The following ART3 variants were observed in gnomAD, a reference collection of about 807,000 sequenced individuals.
ART3 encodes the protein ADP-ribosyltransferase 3 (inactive), also known as ecto-ADP-ribosyltransferase 3.
A neutral mutation model predicts 48.5 loss-of-function variants in ART3; 49 were observed. That is an observed-to-expected ratio of 1.01 (90% CI 0.80 to 1.28). The LOEUF (loss-of-function observed/expected upper bound fraction) is 1.28, where lower values mean the gene tolerates loss of function less well. Among genes scored for constraint, ART3 ranks in the 50% most tolerant of loss-of-function variants. ART3 has a pLI of 0.00. For synonymous variants in ART3, 145 were observed against 157.2 expected (o/e 0.92, Z 0.58); for missense variants, 438 against 454.3 (o/e 0.96, Z 0.33).
rs775662047 is a variant in ART3, at chr4:76,028,570, G to A, written c.-10+17250G>A. On this transcript the variant is annotated intron_variant, in intron 1 of 9. Transcript: ENST00000341029. ...TTAGAAGAAATTTTCTAAAAAGTGA[G>A]CAGGAGGACATCAGTGATTTCTGTG... is the stretch of plus-strand genomic sequence containing the variant. 5.9e-5 allele frequency among the ~76,000 whole-genome samples: 9 copies of A among 152,244 alleles called. No homozygotes were observed. The South Asian group carries it at 6.2e-4, about 11-fold the overall frequency.
intron 1 of ART3, among the ~76,000 whole-genome samples, chr4:76,023,062 A>C (rs1461306275): frequency 1.3e-5 from 2 of 152,156 alleles, no homozygotes; most frequent in Admixed American, 6.5e-5. Flanking sequence ...TGGTTCATTG[A>C]GCTTAGTTAG....
chr4:76,110,159 C>A (rs1016003264), intron 11 of ART3, among the ~76,000 whole-genome samples: 1 of 152,088 alleles, frequency 6.6e-6, no homozygotes, highest in East Asian at 1.9e-4. Flanking sequence ...AACAATGCAG[C>A]TATAGTTAGC....
At position 76,035,171 on chromosome 4, in the gene ART3, A is replaced by C. The variant is rs754595883; in HGVS notation, c.-10+23851A>C. 19 of 1,613,148 alleles carry C rather than the reference A, an allele frequency of 1.2e-5. No homozygotes were observed. In the South Asian group the frequency reaches 1.8e-4, roughly 15 times the overall value. On this transcript the variant is annotated intron_variant, in intron 1 of 9. Transcript: ENST00000341029. Reference sequence around the variant, plus strand: ...AAAGTTTAGATGCAAATACATAAACAAAAAAGCCTGCACCATTGTCATCTT... The same window carrying C: ...AAAGTTTAGATGCAAATACATAAACCAAAAAGCCTGCACCATTGTCATCTT...
chr4:76,042,793 A>C (rs1024673196), intron 1 of ART3, among the ~76,000 whole-genome samples: 3 of 152,216 alleles, frequency 2.0e-5, no homozygotes, highest in East Asian at 1.9e-4. Flanking sequence ...TTTATTGCAA[A>C]GAGTGAAAGA....
intron 1 of ART3, among the ~76,000 whole-genome samples, chr4:76,017,066 C>T (rs531353169): frequency 3.9e-4 from 60 of 152,192 alleles, no homozygotes; most frequent in African/African-American, 1.4e-3. Context: ...TGCTCTACCT[C>T]ACTGTGGCCG....
At chr4:76,100,670 A>G in intron 6 of ART3, 125 bp from the exon 7 acceptor site, 1 of 1,146,230 alleles carries the variant, frequency 8.7e-7, no homozygotes, top group Non-Finnish European at 1.3e-6. Flanking sequence ...TGCATTTTGC[A>G]AGATACCTCC....
chr4:76,016,140 A>G (rs1267598705), intron 1 of ART3, among the ~76,000 whole-genome samples: 1 of 152,166 alleles, frequency 6.6e-6, no homozygotes, highest in African/African-American at 2.4e-5. Context: ...TCTAGGTTAA[A>G]CATGTTTTTT....
rs188436944 is a variant in ART3 at position 76,093,100 on chromosome 4, G to A, written c.782-4544G>A. On this transcript the variant is annotated intron_variant, in intron 3 of 11. Transcript: ENST00000355810. ...GGTTACCTGCATTCCTTGGTTTGTG[G>A]CCTCCTTCATCCATCTTCAGTCAGA... Among the ~76,000 whole-genome samples the A allele has an allele frequency of 2.6e-5, 4 of 152,094 alleles. No homozygotes were observed. The East Asian group carries it at 5.8e-4, about 22-fold the overall frequency.
chr4:76,104,026 A>G, intron 9 of ART3, 57 bp downstream of exon 9: 1 of 1,535,058 alleles, frequency 6.5e-7, no homozygotes, highest in Non-Finnish European at 9.0e-7. Flanking sequence ...CAGGATTCCC[A>G]GGCATTTAAG....
At position 76,106,336 on chromosome 4, in the gene ART3, G is replaced by A. The variant is rs76783378; in HGVS notation, c.1004-1425G>A. The A allele has an allele frequency of 7.4e-3, 7,281 of 985,342 alleles. 283 individuals carry two copies. The African/African-American group carries it at 0.098, about 13-fold the overall frequency. 61.0% of individuals were successfully genotyped at this position (985,342 alleles called of 1,614,324 possible). A position where few individuals can be genotyped will look rare whatever the true frequency, so the allele number is the denominator to read the frequency against. ...AGGCACACACTTGGTAGTACAGATG[G>A]TCTCCAAGTTACAATGGTCAGTCTG... On this transcript the variant is annotated intron_variant, in intron 10 of 11. Coordinates refer to ENST00000355810, the MANE Select transcript of ART3 (RefSeq NM_001130016.3).
chr4:76,026,017 T>G (rs902266215), intron 1 of ART3, among the ~76,000 whole-genome samples: 1 of 152,072 alleles, frequency 6.6e-6, no homozygotes, highest in Admixed American at 6.6e-5. Flanking sequence ...AAATCCAAAT[T>G]TCTAATTAAG....
At chr4:76,069,386 C>CTTTGTT (rs59498066) in intron 1 of ART3, among the ~76,000 whole-genome samples, 16,705 of 110,066 alleles carry the variant, frequency 0.15, 1,958 homozygotes, top group African/African-American at 0.3. Flanking sequence ...TACTTAATTC[C>CTTTGTT]TTTTTTTTTT....
intron 2 of ART3, among the ~76,000 whole-genome samples, chr4:76,077,935 T>C (rs200004772): frequency 6.6e-6 from 1 of 152,362 alleles, no homozygotes; most frequent in East Asian, 1.9e-4. Context: ...TTGATTTGGT[T>C]TTCAATATAC....
At chr4:76,097,559 T>G in intron 3 of ART3, 85 bp from the exon 4 acceptor site, 1 of 1,162,114 alleles carries the variant, frequency 8.6e-7, no homozygotes, top group South Asian at 1.4e-5. Context: ...GCTGACAGAT[T>G]AGGTTACCAA....
chr4:76,101,490 G>A (rs1462485199), intron 8 of ART3, among the ~76,000 whole-genome samples: 9 of 152,076 alleles, frequency 5.9e-5, no homozygotes, highest in South Asian at 2.1e-4. Context: ...TCAAATGGCC[G>A]GGCGGGGTGG....
intron 9 of ART3, 23 bp from the exon 10 acceptor site, chr4:76,104,574 T>C (rs1330790270): frequency 3.9e-6 from 6 of 1,551,428 alleles, no homozygotes; most frequent in African/African-American, 2.7e-5. Context: ...CTGTAAGTCA[T>C]TGGAAACTTC....
chr4:76,046,107 T>C (rs940411707), intron 1 of ART3, among the ~76,000 whole-genome samples: 2 of 99,078 alleles, frequency 2.0e-5, no homozygotes, highest in Non-Finnish European at 3.9e-5. Flanking sequence ...GTGCCTGGAC[T>C]TGAGAAGTGG....
intron 1 of ART3, among the ~76,000 whole-genome samples, chr4:76,067,447 GCAAA>G (rs55894859): frequency 0.2 from 29,914 of 151,048 alleles, 3,399 homozygotes; most frequent in African/African-American, 0.31. Flanking sequence ...GGGGAATTTA[GCAAA>G]CATTTTCCCA....
At chr4:76,062,559 C>CTT (rs34383642) in intron 1 of ART3, among the ~76,000 whole-genome samples, 13,727 of 112,928 alleles carry the variant, frequency 0.12, 1,614 homozygotes, top group East Asian at 0.4. Flanking sequence ...AAAAATAAAT[C>CTT]TTTTTTTTTT....
Sources: allele counts gnomAD v4.1 joint callset (sites outside exome capture counted in the v4.1 genomes callset), GRCh38; gene constraint gnomAD v4.1.1; transcripts MANE v1.5; gene names NCBI Gene and HGNC (gene_info 2026-07-23, HGNC 2026-07-21).